Variants in WWOX observed in about 807,000 individuals in gnomAD.
WWOX encodes the protein WW domain containing oxidoreductase, also known as WW domain-containing oxidoreductase.
A neutral mutation model predicts 46.2 loss-of-function variants in WWOX; 69 were observed. The observed-to-expected ratio is 1.49, with a 90% confidence interval of 1.23 to 1.82. The LOEUF (loss-of-function observed/expected upper bound fraction) is 1.82, where lower values mean the gene tolerates loss of function less well. Among genes scored for constraint, WWOX ranks in the 40% most tolerant of loss-of-function variants. The pLI is 0.00. For synonymous variants in WWOX, 359 were observed against 202.6 expected, an observed-to-expected ratio of 1.77 and a Z score of -6.56; for missense variants, 919 against 542.6, an observed-to-expected ratio of 1.69 and a Z score of -6.89.
chr16:78,975,516 C>T (rs1454843709), intron 8 of WWOX, among the ~76,000 whole-genome samples: 1 of 151,690 alleles, frequency 6.6e-6, no homozygotes, highest in East Asian at 1.9e-4. Flanking sequence ...TACGACTTTC[C>T]TAATGGTCTT....
rs1282374470 is a variant in WWOX, at chr16:78,407,174, C to A, written c.606-17696C>A. ...CTTAGAATTCTACATTATTTTTTTCCCTTTTCTGGGAGGAAAGACAGTTGA... is the reference window on the plus strand; with the variant it reads ...CTTAGAATTCTACATTATTTTTTTCACTTTTCTGGGAGGAAAGACAGTTGA... On this transcript the variant is annotated intron_variant, in intron 6 of 8. Transcript: ENST00000566780. Among the ~76,000 whole-genome samples the A allele has an allele frequency of 3.3e-5, 5 of 152,126 alleles. No homozygotes were observed. In the South Asian group the frequency reaches 8.3e-4, roughly 25 times the overall value.
intron 5 of WWOX, among the ~76,000 whole-genome samples, chr16:78,298,145 C>G (rs1404714154): frequency 6.6e-6 from 1 of 152,174 alleles, no homozygotes; most frequent in Non-Finnish European, 1.5e-5. Context: ...GAGGCCTCTG[C>G]AGCCCTGTAG....
chr16:78,560,668 T>A (rs1273652585), intron 8 of WWOX, among the ~76,000 whole-genome samples: 1 of 151,766 alleles, frequency 6.6e-6, no homozygotes, highest in Non-Finnish European at 1.5e-5. Context: ...ATAATAATGT[T>A]ACAATAATAA....
chr16:78,994,343 G>A (rs1299839197), intron 8 of WWOX: 1 of 152,088 alleles, frequency 6.6e-6, no homozygotes, highest in Non-Finnish European at 1.5e-5. Flanking sequence ...ATGTGAAAAA[G>A]GACGTAATGT....
chr16:78,845,740 G>A (rs150661883), intron 8 of WWOX, among the ~76,000 whole-genome samples: 1 of 152,308 alleles, frequency 6.6e-6, no homozygotes, highest in East Asian at 1.9e-4. Flanking sequence ...CAAAATGGTT[G>A]AAGGTTGAGA....
intron 8 of WWOX, among the ~76,000 whole-genome samples, chr16:78,683,261 A>T (rs1003195933): frequency 6.6e-6 from 1 of 152,094 alleles, no homozygotes; most frequent in African/African-American, 2.4e-5. Flanking sequence ...TTGTAATCTT[A>T]GCACTTTGGG....
chr16:78,870,637 T>G (rs546972000), intron 8 of WWOX, among the ~76,000 whole-genome samples: 220 of 152,352 alleles, frequency 1.4e-3, no homozygotes, highest in Non-Finnish European at 2.4e-3. Flanking sequence ...AATCTCACTC[T>G]GTTGCCCAGG....
intron 8 of WWOX, among the ~76,000 whole-genome samples, chr16:78,483,544 C>G (rs988725797): frequency 6.6e-6 from 1 of 151,372 alleles, no homozygotes; most frequent in Non-Finnish European, 1.5e-5. Flanking sequence ...GCCAACAGAA[C>G]CGGCCTTTCC....
At chr16:78,437,031 G>A (rs2083350480) in intron 8 of WWOX, among the ~76,000 whole-genome samples, 1 of 152,202 alleles carries the variant, frequency 6.6e-6, no homozygotes, top group Non-Finnish European at 1.5e-5. Context: ...AGTGTGCTCT[G>A]CCTTGTCTGC....
At chr16:78,650,771 TC>T (rs1248415923) in intron 8 of WWOX, among the ~76,000 whole-genome samples, 1 of 152,090 alleles carries the variant, frequency 6.6e-6, no homozygotes, top group Non-Finnish European at 1.5e-5. Context: ...ATGCCATGTC[TC>T]CCCCTGTCCC....
chr16:78,472,857 A>G (rs1277415309), intron 8 of WWOX, among the ~76,000 whole-genome samples: 1 of 150,906 alleles, frequency 6.6e-6, no homozygotes, highest in South Asian at 2.1e-4. Flanking sequence ...TCGTTGTCAC[A>G]GCGTCAGCAG....
At chr16:78,214,708 G>T (rs756694624) in intron 5 of WWOX, among the ~76,000 whole-genome samples, 5 of 152,038 alleles carry the variant, frequency 3.3e-5, no homozygotes, top group African/African-American at 7.2e-5. Context: ...GCCCAGCAAC[G>T]CTCCATTCAG....
intron 4 of WWOX, among the ~76,000 whole-genome samples, chr16:78,143,752 GTTTTTTTTT>G (rs200125720): frequency 8.3e-6 from 1 of 120,240 alleles, no homozygotes; most frequent in Non-Finnish European, 1.7e-5. Context: ...GAATTGGTAT[GTTTTTTTTT>G]TTTTTTTTTT....
chr16:78,602,871 T>C (rs1567428648), intron 8 of WWOX, among the ~76,000 whole-genome samples: 1 of 152,174 alleles, frequency 6.6e-6, no homozygotes. Context: ...TGAGTAATTT[T>C]TGCCAATCCT....
chr16:78,221,600 A>G (rs561392514), intron 5 of WWOX, among the ~76,000 whole-genome samples: 4 of 152,198 alleles, frequency 2.6e-5, no homozygotes, highest in Non-Finnish European at 4.4e-5. Context: ...AAATCACAAT[A>G]TTGAAGCAGG....
chr16:78,587,761 C>G (rs2045250968), intron 8 of WWOX, among the ~76,000 whole-genome samples: 1 of 152,112 alleles, frequency 6.6e-6, no homozygotes. Context: ...TGTTGGCCAG[C>G]TAATACTGTC....
chr16:78,862,251 T>C (rs2043904035), intron 8 of WWOX, among the ~76,000 whole-genome samples: 1 of 151,084 alleles, frequency 6.6e-6, no homozygotes, highest in Non-Finnish European at 1.5e-5. Context: ...CCTATGGGTG[T>C]GTCTGTCTGT....
At chr16:78,713,918 C>T (rs55643279) in intron 8 of WWOX, among the ~76,000 whole-genome samples, 69,777 of 151,914 alleles carry the variant, frequency 0.46, 17,075 homozygotes, top group Admixed American at 0.54. Flanking sequence ...CGAGGACTGT[C>T]GTTGGGGAAC....
chr16:78,454,917 G>C (rs1010319891), intron 8 of WWOX, among the ~76,000 whole-genome samples: 1 of 152,216 alleles, frequency 6.6e-6, no homozygotes, highest in African/African-American at 2.4e-5. Context: ...TTCTTTGGCA[G>C]TCACTGCCCC....
Sources: gnomAD v4.1 joint callset for allele counts (sites outside exome capture counted in the v4.1 genomes callset) on GRCh38, gnomAD v4.1.1 for gene constraint, MANE v1.5 for transcripts, NCBI Gene and HGNC (gene_info 2026-07-23, HGNC 2026-07-21) for gene names.